The following WWOX variants were observed in gnomAD, a reference collection of about 807,000 sequenced individuals.
WWOX encodes WW domain containing oxidoreductase, also known as WW domain-containing oxidoreductase.
Under a neutral mutation model 46.2 loss-of-function variants are expected in WWOX, and 69 were observed. The ratio of observed to expected loss-of-function variants is 1.49; its 90% CI spans 1.23 to 1.82. The LOEUF (loss-of-function observed/expected upper bound fraction) is 1.82. Among genes scored for constraint, WWOX ranks in the 40% most tolerant of loss-of-function variants. WWOX has a pLI of 0.00. For missense variants in WWOX, 919 were observed against 542.6 expected, an observed-to-expected ratio of 1.69 and a Z score of -6.89; for synonymous variants, 359 against 202.6, an observed-to-expected ratio of 1.77 and a Z score of -6.56.
chr16:78,663,919 T>C (rs548354966), intron 8 of WWOX, among the ~76,000 whole-genome samples: 2 of 152,228 alleles, frequency 1.3e-5, no homozygotes, highest in East Asian at 1.9e-4. Flanking sequence ...ACAGGGATAA[T>C]AGACAACGCT....
intron 8 of WWOX, among the ~76,000 whole-genome samples, chr16:78,537,856 G>GA (rs2043796668): frequency 6.6e-6 from 1 of 152,142 alleles, no homozygotes; most frequent in South Asian, 2.1e-4. Context: ...CCCGGCAGTG[G>GA]AAAAGCCTCT....
chr16:78,389,334 C>G (rs1279749457), intron 6 of WWOX, among the ~76,000 whole-genome samples: 3 of 152,178 alleles, frequency 2.0e-5, no homozygotes, highest in African/African-American at 7.2e-5. Flanking sequence ...CTCTAAAGCC[C>G]CAGACATTCT....
At chr16:78,864,399 A>G (rs1221790558) in intron 8 of WWOX, among the ~76,000 whole-genome samples, 4 of 151,722 alleles carry the variant, frequency 2.6e-5, no homozygotes, top group Non-Finnish European at 1.5e-5. Flanking sequence ...TCCTGAGTAG[A>G]TGGGACCACA....
chr16:78,106,692 A>T (rs1057114400), intron 1 of WWOX, among the ~76,000 whole-genome samples: 41 of 152,214 alleles, frequency 2.7e-4, no homozygotes, highest in African/African-American at 9.6e-4. Context: ...CTGGGATTAC[A>T]GACATGAGCC....
intron 8 of WWOX, among the ~76,000 whole-genome samples, chr16:79,207,414 A>G (rs16949929): frequency 2.6e-5 from 4 of 152,356 alleles, no homozygotes; most frequent in South Asian, 2.1e-4. Flanking sequence ...GCCGTCTTCA[A>G]AAGGGCTGTT....
intron 5 of WWOX, among the ~76,000 whole-genome samples, chr16:78,368,930 T>A (rs9923918): frequency 1.3e-5 from 2 of 152,176 alleles, no homozygotes; most frequent in African/African-American, 4.8e-5. Context: ...CGACTGTCAG[T>A]TGCTCTCTAC....
intron 5 of WWOX, among the ~76,000 whole-genome samples, chr16:78,218,369 G>A (rs1259476048): frequency 6.6e-6 from 1 of 152,032 alleles, no homozygotes; most frequent in Admixed American, 6.6e-5. Flanking sequence ...TTACAAGCCT[G>A]AGCCACCATG....
chr16:78,772,962 C>T (rs1289853475), intron 8 of WWOX, among the ~76,000 whole-genome samples: 1 of 152,182 alleles, frequency 6.6e-6, no homozygotes, highest in African/African-American at 2.4e-5. Flanking sequence ...GAGGCTGAGG[C>T]TGCAGAAAGC....
At chr16:78,151,756 C>T (rs533278778) in intron 4 of WWOX, among the ~76,000 whole-genome samples, 21 of 152,144 alleles carry the variant, frequency 1.4e-4, no homozygotes, top group Non-Finnish European at 2.1e-4. Flanking sequence ...ATGGAAGTAG[C>T]GTCGACATTA....
intron 8 of WWOX, among the ~76,000 whole-genome samples, chr16:78,446,388 G>A (rs577534931): frequency 1.3e-5 from 2 of 152,098 alleles, no homozygotes; most frequent in Non-Finnish European, 2.9e-5. Flanking sequence ...GTCCTTGTCT[G>A]CCTTTGCTTT....
At chr16:78,340,144 G>T (rs1190481060) in intron 5 of WWOX, among the ~76,000 whole-genome samples, 2 of 110,444 alleles carry the variant, frequency 1.8e-5, no homozygotes, top group African/African-American at 3.1e-5. Context: ...TTTCTGTTTA[G>T]TTTCTATCTT....
chr16:78,269,327 A>G (rs1597426764), intron 5 of WWOX, among the ~76,000 whole-genome samples: 1 of 152,064 alleles, frequency 6.6e-6, no homozygotes, highest in Non-Finnish European at 1.5e-5. Context: ...TGTTCTGCAA[A>G]CCCGGATAGA....
chr16:79,090,397 G>C (rs1035132109), intron 8 of WWOX, among the ~76,000 whole-genome samples: 8 of 151,728 alleles, frequency 5.3e-5, no homozygotes, highest in African/African-American at 1.9e-4. Flanking sequence ...CGTTCATTCA[G>C]TTATCTCACG....
intron 5 of WWOX, among the ~76,000 whole-genome samples, chr16:78,206,330 T>C (rs1260610577): frequency 6.6e-6 from 1 of 152,142 alleles, no homozygotes; most frequent in African/African-American, 2.4e-5. Context: ...AGTATTTTGG[T>C]TGTTAAAATA....
intron 8 of WWOX, among the ~76,000 whole-genome samples, chr16:78,439,488 C>T (rs767431316): frequency 3.9e-5 from 6 of 152,166 alleles, no homozygotes; most frequent in Non-Finnish European, 8.8e-5. Context: ...AGTCTTACGT[C>T]ATTATGTCCA....
At chr16:78,364,660 T>TTCTCTC (rs71137892) in intron 5 of WWOX, among the ~76,000 whole-genome samples, 32,339 of 151,816 alleles carry the variant, frequency 0.21, 4,817 homozygotes, top group African/African-American at 0.43. Context: ...TGGGTGCTCT[T>TTCTCTC]TCTCTATAAT....
intron 5 of WWOX, among the ~76,000 whole-genome samples, chr16:78,360,423 A>G (rs1002588588): frequency 1.3e-5 from 2 of 151,880 alleles, no homozygotes; most frequent in African/African-American, 4.8e-5. Flanking sequence ...TGTCTCTACT[A>G]AAAATACAAA....
intron 8 of WWOX, among the ~76,000 whole-genome samples, chr16:78,444,894 G>C (rs2083523048): frequency 6.6e-6 from 1 of 152,156 alleles, no homozygotes; most frequent in Admixed American, 6.5e-5. Context: ...AAATGCTGCT[G>C]TTACTGTTTT....
chr16:78,370,682 T>A (rs759216990), intron 5 of WWOX, among the ~76,000 whole-genome samples: 9 of 151,908 alleles, frequency 5.9e-5, no homozygotes, highest in Non-Finnish European at 8.8e-5. Context: ...CCATTCCTTA[T>A]AACTGATTAT....
Sources: allele counts gnomAD v4.1 joint callset (sites outside exome capture counted in the v4.1 genomes callset), GRCh38; gene constraint gnomAD v4.1.1; transcripts MANE v1.5; gene names NCBI Gene and HGNC (gene_info 2026-07-23, HGNC 2026-07-21).